USH2A: variants seen among roughly 807,000 people sequenced by gnomAD.
USH2A encodes Usher syndrome 2A (autosomal recessive, mild).
A neutral mutation model predicts 538.9 loss-of-function variants in USH2A; 443 were observed. The ratio of observed to expected loss-of-function variants is 0.82; its 90% CI spans 0.76 to 0.89. The LOEUF (loss-of-function observed/expected upper bound fraction) is 0.89. USH2A is among the 40% of genes least tolerant of loss of function. The pLI is 0.00. For synonymous variants in USH2A, 2,413 were observed against 2,273.5 expected (o/e 1.06, Z -1.75); for missense variants, 6,633 against 6,324.8 (o/e 1.05, Z -1.65).
At chr1:216,311,166 T>G (rs747129060) in intron 9 of USH2A, among the ~76,000 whole-genome samples, 6 of 152,202 alleles carry the variant, frequency 3.9e-5, no homozygotes, top group Non-Finnish European at 7.4e-5. Context: ...GAGCAGACTT[T>G]CCCAGGCTGG....
chr1:216,218,907 C>T (rs1218005645), intron 14 of USH2A, among the ~76,000 whole-genome samples: 3 of 151,800 alleles, frequency 2.0e-5, no homozygotes, highest in African/African-American at 7.3e-5. Flanking sequence ...TCTTTATAGG[C>T]TATTATGTAG....
At chr1:216,189,907 T>C (rs2034681254) in intron 20 of USH2A, among the ~76,000 whole-genome samples, 1 of 152,000 alleles carries the variant, frequency 6.6e-6, no homozygotes, top group Non-Finnish European at 1.5e-5. Context: ...ACTAATTACA[T>C]TTCTATGTAT....
intron 40 of USH2A, among the ~76,000 whole-genome samples, chr1:215,897,097 GTTTCCCTGTCCATGA>G (rs1259283057): frequency 1.3e-5 from 2 of 152,028 alleles, no homozygotes; most frequent in Non-Finnish European, 2.9e-5. Context: ...TTCACATCCT[GTTTCCCTGTCCATGA>G]TAACTTCTCT....
intron 11 of USH2A, among the ~76,000 whole-genome samples, chr1:216,264,255 T>A (rs2036428380): frequency 6.6e-6 from 1 of 152,044 alleles, no homozygotes; most frequent in Non-Finnish European, 1.5e-5. Flanking sequence ...GAAGAAAAAA[T>A]TCTTTAAATT....
At chr1:215,803,839 C>A (rs1433621035) in intron 49 of USH2A, among the ~76,000 whole-genome samples, 2 of 151,868 alleles carry the variant, frequency 1.3e-5, no homozygotes, top group Non-Finnish European at 2.9e-5. Context: ...AATCCTAAGC[C>A]AAAAGAAAAA....
At chr1:215,981,487 G>C (rs1238384429) in intron 35 of USH2A, among the ~76,000 whole-genome samples, 1 of 151,924 alleles carries the variant, frequency 6.6e-6, no homozygotes, top group East Asian at 1.9e-4. Context: ...TATTAAAATA[G>C]GCACATCAGC....
intron 25 of USH2A, 49 bp from the exon 26 acceptor site, chr1:216,083,635 C>A (rs201715871): frequency 5.7e-5 from 91 of 1,592,476 alleles, no homozygotes; most frequent in Non-Finnish European, 7.4e-5. Context: ...CACAATATTG[C>A]CAGCATTGTA....
At chr1:215,867,874 A>T (rs540304986) in intron 43 of USH2A, among the ~76,000 whole-genome samples, 1 of 152,328 alleles carries the variant, frequency 6.6e-6, no homozygotes, top group East Asian at 1.9e-4. Context: ...TATTAAATTG[A>T]CTATAGAGTA....
At chr1:215,718,639 G>T (rs79731608) in intron 61 of USH2A, among the ~76,000 whole-genome samples, 4,873 of 152,122 alleles carry the variant, frequency 0.032, 110 homozygotes, top group Non-Finnish European at 0.046. Context: ...CACTTTTATC[G>T]GCTGTGAACC....
chr1:215,813,701 C>T (rs766125875), intron 49 of USH2A, 35 bp downstream of exon 49: 2 of 1,613,280 alleles, frequency 1.2e-6, no homozygotes, highest in Middle Eastern at 1.7e-4. Context: ...TTCAGGTTCC[C>T]ATAGTTTTTG....
chr1:216,039,725 T>C (rs995643503), intron 32 of USH2A, among the ~76,000 whole-genome samples: 1 of 151,990 alleles, frequency 6.6e-6, no homozygotes, highest in African/African-American at 2.4e-5. Flanking sequence ...TAAGGTTCCT[T>C]ATAACGCTCG....
intron 61 of USH2A, among the ~76,000 whole-genome samples, chr1:215,682,241 T>G (rs1571954802): frequency 6.6e-6 from 1 of 152,268 alleles, no homozygotes; most frequent in South Asian, 2.1e-4. Flanking sequence ...CAAATAGTAA[T>G]CACCTCTAAC....
intron 4 of USH2A, among the ~76,000 whole-genome samples, chr1:216,346,064 C>A (rs538335145): frequency 1.2e-4 from 19 of 152,094 alleles, no homozygotes; most frequent in African/African-American, 4.6e-4. Flanking sequence ...GTTTGATATG[C>A]GCATGAACAT....
At chr1:215,627,590 A>G (rs933790874) in intron 71 of USH2A, among the ~76,000 whole-genome samples, 3 of 148,326 alleles carry the variant, frequency 2.0e-5, no homozygotes, top group African/African-American at 7.5e-5. Context: ...CAGTGGGGCC[A>G]TCTCAGCTCA....
intron 21 of USH2A, among the ~76,000 whole-genome samples, chr1:216,153,352 C>T (rs1389729923): frequency 5.3e-5 from 8 of 152,118 alleles, no homozygotes; most frequent in Admixed American, 3.3e-4. Context: ...AAAGTTCTTG[C>T]CCTGGCTCCC....
chr1:215,799,175 T>A, intron 49 of USH2A, 50 bp from the exon 50 acceptor site: 4 of 1,530,322 alleles, frequency 2.6e-6, no homozygotes, highest in Non-Finnish European at 3.6e-6. Context: ...AAAAATATGC[T>A]ATGACTAACA....
intron 22 of USH2A, among the ~76,000 whole-genome samples, chr1:216,094,122 A>T (rs2032380606): frequency 6.6e-6 from 1 of 152,144 alleles, no homozygotes; most frequent in Non-Finnish European, 1.5e-5. Context: ...AAGGGGAAAA[A>T]GCAGAGCCAG....
intron 53 of USH2A, 144 bp downstream of exon 53, chr1:215,782,594 G>A (rs1000298113): frequency 2.2e-6 from 2 of 891,686 alleles, no homozygotes; most frequent in Admixed American, 4.4e-5. Flanking sequence ...GTGATTAGTT[G>A]TCACATAATT....
At chr1:216,371,414 C>T (rs1300736339) in intron 3 of USH2A, among the ~76,000 whole-genome samples, 5 of 152,160 alleles carry the variant, frequency 3.3e-5, no homozygotes, top group African/African-American at 4.8e-5. Context: ...GGATTGTCAC[C>T]TTAATACAAT....
Sources: gnomAD v4.1 joint callset for allele counts (sites outside exome capture counted in the v4.1 genomes callset) on GRCh38, gnomAD v4.1.1 for gene constraint, MANE v1.5 for transcripts, NCBI Gene and HGNC (gene_info 2026-07-23, HGNC 2026-07-21) for gene names.